Variants in GRIK2 observed in about 807,000 individuals in gnomAD.
GRIK2 encodes glutamate ionotropic receptor kainate type subunit 2.
A neutral mutation model predicts 100.3 loss-of-function variants in GRIK2; 32 were observed. The observed-to-expected ratio is 0.32, with a 90% CI of 0.24 to 0.43. The LOEUF (loss-of-function observed/expected upper bound fraction) is 0.43. Among genes scored for constraint, GRIK2 ranks in the 20% least tolerant of loss-of-function variants. GRIK2 has a pLI of 1.00. For synonymous variants in GRIK2, 417 were observed against 389.4 expected (o/e 1.07, Z -0.83); for missense variants, 843 against 1,114.9 (o/e 0.76, Z 3.47).
At chr6:101,802,477 A>G in intron 9 of GRIK2, 39 bp downstream of exon 9, 1 of 821,246 alleles carries the variant, frequency 1.2e-6, no homozygotes, top group South Asian at 1.9e-5. Flanking sequence ...TACTAAATGA[A>G]ACATATCTCA....
chr6:102,064,032 A>G, intron 16 of GRIK2: 3 of 1,484,398 alleles, frequency 2.0e-6, no homozygotes, highest in Non-Finnish European at 2.8e-6. Flanking sequence ...ACTTACTAAA[A>G]GAGGTTTTTA....
intron 14 of GRIK2, among the ~76,000 whole-genome samples, chr6:101,967,357 T>G (rs1015495484): frequency 6.6e-6 from 1 of 152,112 alleles, no homozygotes; most frequent in Non-Finnish European, 1.5e-5. Flanking sequence ...CTTTGGGGAA[T>G]TTTTTAGAGG....
In GRIK2 at chr6:101,442,124, C is replaced by T. The variant is rs146297007; in HGVS notation, c.115+42732C>T. ...GGCAGAAAAGGATAGCATGAAACCC[C>T]GGCTTTGGCCACAGATGTGTCTGAA... is the stretch of plus-strand genomic sequence containing the variant. On this transcript the variant is annotated intron_variant, in intron 2 of 16. Coordinates refer to ENST00000369134, the MANE Select transcript of GRIK2 (RefSeq NM_021956.5). 3.6e-3 allele frequency among the ~76,000 whole-genome samples: 546 copies of T among 152,196 alleles called. 3 individuals are homozygous for T. Among genetic ancestry groups the T allele is most frequent in the African/African-American group, 0.012 (510 of 41,534 alleles).
chr6:101,879,225 CAAAG>C (rs1207699962), intron 11 of GRIK2, among the ~76,000 whole-genome samples: 1 of 151,966 alleles, frequency 6.6e-6, no homozygotes, highest in Non-Finnish European at 1.5e-5. Flanking sequence ...TCCATGTACA[CAAAG>C]AAAGACAAAG....
At chr6:102,061,109 G>T (rs1017618030) in intron 16 of GRIK2, among the ~76,000 whole-genome samples, 1 of 150,388 alleles carries the variant, frequency 6.6e-6, no homozygotes, top group African/African-American at 2.4e-5. Flanking sequence ...TTGAAATGAG[G>T]TGTCAATCTT....
intron 14 of GRIK2, among the ~76,000 whole-genome samples, chr6:101,998,638 T>C (rs1794768000): frequency 6.6e-6 from 1 of 152,018 alleles, no homozygotes; most frequent in Admixed American, 6.6e-5. Context: ...CATTTTGAGT[T>C]AATTTTTTGT....
At chr6:101,722,755 T>C (rs1774571811) in intron 7 of GRIK2, among the ~76,000 whole-genome samples, 1 of 152,024 alleles carries the variant, frequency 6.6e-6, no homozygotes, top group African/African-American at 2.4e-5. Flanking sequence ...AGGAGATAAA[T>C]GTCTAATTCC....
At chr6:101,551,939 A>C (rs893508748) in intron 2 of GRIK2, among the ~76,000 whole-genome samples, 3 of 152,200 alleles carry the variant, frequency 2.0e-5, no homozygotes, top group African/African-American at 4.8e-5. Flanking sequence ...AAGCTTCTGC[A>C]CCAAGCATAG....
intron 2 of GRIK2, among the ~76,000 whole-genome samples, chr6:101,593,057 G>A (rs1394638443): frequency 6.6e-6 from 1 of 151,946 alleles, no homozygotes; most frequent in Non-Finnish European, 1.5e-5. Context: ...AGATAAGGCT[G>A]AGATATTTCC....
chr6:101,762,786 G>T (rs977235692), intron 7 of GRIK2, among the ~76,000 whole-genome samples: 2 of 152,168 alleles, frequency 1.3e-5, no homozygotes, highest in African/African-American at 4.8e-5. Flanking sequence ...CAGCTAAAAA[G>T]TACACATGTC....
At chr6:101,829,167 T>C (rs1782518607) in intron 10 of GRIK2, among the ~76,000 whole-genome samples, 1 of 152,016 alleles carries the variant, frequency 6.6e-6, no homozygotes, top group South Asian at 2.1e-4. Context: ...AAACATATGG[T>C]CATCTGAATA....
chr6:101,955,332 G>A (rs1791847537), intron 14 of GRIK2, among the ~76,000 whole-genome samples: 2 of 152,082 alleles, frequency 1.3e-5, no homozygotes, highest in South Asian at 4.1e-4. Flanking sequence ...TTGGTCCTAA[G>A]CTTTTATCTC....
At chr6:101,686,423 T>A in intron 7 of GRIK2, 70 bp downstream of exon 7, 2 of 1,101,118 alleles carry the variant, frequency 1.8e-6, no homozygotes, top group Non-Finnish European at 1.3e-6. Flanking sequence ...AACTTCTGGG[T>A]TTATATGCAT....
intron 9 of GRIK2, among the ~76,000 whole-genome samples, chr6:101,804,745 A>T (rs1169275748): frequency 6.6e-6 from 1 of 152,020 alleles, no homozygotes; most frequent in Non-Finnish European, 1.5e-5. Flanking sequence ...TAAGTTAAAG[A>T]GAAAGGGAGC....
chr6:101,484,538 T>TACACACACAC (rs138774364), intron 2 of GRIK2, among the ~76,000 whole-genome samples: 198 of 148,140 alleles, frequency 1.3e-3, no homozygotes, highest in East Asian at 8.9e-3. Context: ...TATATGTAAC[T>TACACACACAC]ACACACACAC....
rs549312763 is a variant in GRIK2, at chr6:102,044,801, C to G, written c.2311+9235C>G. Among the ~76,000 whole-genome samples the G allele has an allele frequency of 2.0e-5, 3 of 151,994 alleles. No individual in the cohort carries two copies. In the East Asian group the frequency reaches 5.8e-4, roughly 30 times the overall value. On this transcript the variant is annotated intron_variant, in intron 15 of 16. Coordinates refer to ENST00000369134, the MANE Select transcript of GRIK2 (RefSeq NM_021956.5). Reference sequence around the variant, plus strand: ...TTGGGTTTCCTTCTGCCTGAGTTTACCTTTTTTCACTCTTCCTCCAATTTT... The same window carrying G: ...TTGGGTTTCCTTCTGCCTGAGTTTAGCTTTTTTCACTCTTCCTCCAATTTT...
chr6:101,509,018 C>A (rs1266842229), intron 2 of GRIK2, among the ~76,000 whole-genome samples: 1 of 151,856 alleles, frequency 6.6e-6, no homozygotes, highest in African/African-American at 2.4e-5. Context: ...ATAAGCTGGG[C>A]ATGGGGGCGG....
intron 10 of GRIK2, among the ~76,000 whole-genome samples, chr6:101,825,352 A>T (rs1417841291): frequency 6.6e-6 from 1 of 152,120 alleles, no homozygotes. Flanking sequence ...TTTCAAATGT[A>T]TTTTATTTCT....
intron 10 of GRIK2, among the ~76,000 whole-genome samples, chr6:101,835,696 C>G (rs1240367558): frequency 6.7e-6 from 1 of 148,400 alleles, no homozygotes; most frequent in African/African-American, 2.5e-5. Context: ...AACTCCTGAT[C>G]TCAGGTGATC....
Sources: gnomAD v4.1 joint callset for allele counts (sites outside exome capture counted in the v4.1 genomes callset) on GRCh38, gnomAD v4.1.1 for gene constraint, MANE v1.5 for transcripts, NCBI Gene and HGNC (gene_info 2026-07-23, HGNC 2026-07-21) for gene names.